The following KBTBD12 variants were observed in gnomAD, a reference collection of about 807,000 sequenced individuals.
The protein encoded by KBTBD12 is kelch repeat and BTB domain containing 12.
A neutral mutation model predicts 58.7 loss-of-function variants in KBTBD12; 53 were observed. The observed-to-expected ratio is 0.90, with a 90% CI of 0.72 to 1.14. The LOEUF is 1.14. KBTBD12 is among the 50% of genes most tolerant of loss of function. KBTBD12 has a pLI of 0.00. For synonymous variants in KBTBD12, 236 were observed against 259.8 expected, an observed-to-expected ratio of 0.91 and a Z score of 0.88; for missense variants, 704 against 751.3, an observed-to-expected ratio of 0.94 and a Z score of 0.74.
rs556899042 is a variant in KBTBD12 at position 127,979,377 on chromosome 3, A to G, written c.1691-4720A>G. 2.6e-5 allele frequency among the ~76,000 whole-genome samples: 4 copies of G among 152,234 alleles called. No homozygotes were observed. The South Asian group carries it at 8.3e-4, about 32-fold the overall frequency. On this transcript the variant is annotated intron_variant, in intron 5 of 5. Transcript: ENST00000405109. ...AAGAGTGAACACTTATATATAAAGC[A>G]GAAGCTATTGGAAATAGTAACATAA...
In KBTBD12 at chr3:127,966,949, A is replaced by G. The variant is rs186583443; in HGVS notation, c.1690+3563A>G. ...GCTAGAAGAAAACGAAGCAAATGCT[A>G]TCTAAATTTCTATGGGAAAATTACT... On this transcript the variant is annotated intron_variant, in intron 5 of 5. Transcript: ENST00000405109. Among the ~76,000 whole-genome samples, 460 of 152,362 alleles carry G rather than the reference A, an allele frequency of 3.0e-3. 3 individuals are homozygous for G. The highest frequency in any genetic ancestry group is 2.2e-3 in the Non-Finnish European group (151 of 68,036).
At position 127,984,321 on chromosome 3, in the gene KBTBD12, C is replaced by A; in HGVS notation, c.*43C>A. 5 of 1,561,266 alleles carry A rather than the reference C, an allele frequency of 3.2e-6. No individual in the cohort carries two copies. Among genetic ancestry groups the A allele is most frequent in the Non-Finnish European group, 4.4e-6 (5 of 1,140,156 alleles). Reference sequence around the variant, plus strand: ...ACCTCCTGCTGTTCTGCAAACAAGGCCTTCAGAACGGAGAGGGCCCACAGC... The same window carrying A: ...ACCTCCTGCTGTTCTGCAAACAAGGACTTCAGAACGGAGAGGGCCCACAGC... On this transcript the variant is annotated 3_prime_UTR_variant, in exon 6 of 6. Transcript: ENST00000405109.
At position 127,915,353 on chromosome 3, in the gene KBTBD12, T is replaced by A. The variant is rs1398442961; in HGVS notation, c.-346T>A. 2.0e-5 allele frequency: 3 copies of A among 152,356 alleles called. No homozygotes were observed. Among genetic ancestry groups the A allele is most frequent in the African/African-American group, 7.2e-5 (3 of 41,426 alleles). The allele number at this position is 152,356 out of a possible 1,614,324, so 9.4% of individuals were successfully genotyped here. On this transcript the variant is annotated 5_prime_UTR_variant, in exon 1 of 6. Transcript: ENST00000405109. ...CAGTGGCTGGAGGGCAGCGGCGGCGTGGTCTCGGGCCACTTCCAAGCAGAG... is the reference window on the plus strand; with the variant it reads ...CAGTGGCTGGAGGGCAGCGGCGGCGAGGTCTCGGGCCACTTCCAAGCAGAG...
chr3:127,946,283 G>A (rs1189585730), intron 4 of KBTBD12, among the ~76,000 whole-genome samples: 1 of 151,908 alleles, frequency 6.6e-6, no homozygotes, highest in African/African-American at 2.4e-5. Flanking sequence ...TTACCTTTAA[G>A]TTTTTTTCTT....
In KBTBD12 at chr3:127,923,005, C is replaced by A; in HGVS notation, c.-57C>A. ...GAGTAATCAGACATGCAAATAGCCC[C>A]TCAGGAATCAAGCTACACTTAAAGA... On this transcript the variant is annotated 5_prime_UTR_variant, in exon 2 of 6. Transcript: ENST00000405109. 1.0e-6 allele frequency: 1 copy of A among 998,640 alleles called. No homozygotes were observed. The highest frequency in any genetic ancestry group is 1.5e-6 in the Non-Finnish European group (1 of 652,920). 61.9% of individuals were successfully genotyped at this position (998,640 alleles called of 1,614,324 possible).
At chr3:127,955,282 GA>G (rs1438052407) in intron 4 of KBTBD12, among the ~76,000 whole-genome samples, 4 of 152,110 alleles carry the variant, frequency 2.6e-5, no homozygotes, top group African/African-American at 9.7e-5. Context: ...TTTTCTCCAG[GA>G]AACCATTTTG....
At chr3:127,947,766 G>C (rs907850684) in intron 4 of KBTBD12, among the ~76,000 whole-genome samples, 2 of 152,098 alleles carry the variant, frequency 1.3e-5, no homozygotes, top group Non-Finnish European at 2.9e-5. Context: ...AAACCCCCCT[G>C]GTCTCTCTTT....
chr3:127,961,817 G>C (rs1940445771), intron 4 of KBTBD12, among the ~76,000 whole-genome samples: 1 of 152,204 alleles, frequency 6.6e-6, no homozygotes, highest in Non-Finnish European at 1.5e-5. Context: ...AGGAAAGCAG[G>C]TGATGGTGAA....
intron 5 of KBTBD12, among the ~76,000 whole-genome samples, chr3:127,971,344 C>G (rs1356962787): frequency 6.6e-6 from 1 of 152,092 alleles, no homozygotes; most frequent in Non-Finnish European, 1.5e-5. Flanking sequence ...AACTGAATAC[C>G]GAAGAGCCAC....
At position 127,923,906 on chromosome 3, in the gene KBTBD12, A is replaced by G. The variant is rs1442906649; in HGVS notation, c.845A>G (p.Asn282Ser). ...ETTSLLLCIG[N>S]NSSGIRSRHR... ...ACCAGTCTTCTGCTTTGCATTGGCA[A>G]CAATTCTTCAGGAATCAGATCAAGA... The change falls in exon 2 of 6, where the codon AAC (asparagine) becomes AGC (serine). Residue 282 changes from asparagine to serine, a missense_variant. Asn to Ser is a conservative substitution (Grantham distance 46, BLOSUM62 1). Coordinates refer to ENST00000405109, the MANE Select transcript of KBTBD12 (RefSeq NM_207335.4). The G allele has an allele frequency of 4.3e-6, 7 of 1,613,952 alleles. No individual in the cohort carries two copies. The highest frequency in any genetic ancestry group is 2.2e-5 in the South Asian group (2 of 91,080).
chr3:127,930,962 C>A (rs1426987043), intron 4 of KBTBD12, among the ~76,000 whole-genome samples: 1 of 152,076 alleles, frequency 6.6e-6, no homozygotes, highest in African/African-American at 2.4e-5. Flanking sequence ...TACATTCCAT[C>A]TGCCTAACAT....
chr3:127,971,748 AGT>A (rs1940686157), intron 5 of KBTBD12, among the ~76,000 whole-genome samples: 4 of 152,200 alleles, frequency 2.6e-5, no homozygotes, highest in African/African-American at 9.7e-5. Context: ...TTCTTCCCAG[AGT>A]CCAGGCTAAG....
In KBTBD12 at chr3:127,984,150, C is replaced by T. The variant is rs768855269; in HGVS notation, c.1744C>T (p.Gln582Ter). ...ATTGGAACTGGACCCATGGGAAAAC[C>T]AGTGGAATGTTGTAGCCATCAACGT... The part of the protein sequence containing the change: ...EILELDPWEN[Q>*]WNVVAINVLM... Residue 582 changes from glutamine (Q) to a stop codon, truncating the protein, a stop_gained, in exon 6 of 6, where the codon CAG becomes TAG. Coordinates refer to ENST00000405109, the MANE Select transcript of KBTBD12 (RefSeq NM_207335.4). LOFTEE classifies it high-confidence loss of function. 27 of 1,613,810 alleles carry T rather than the reference C, an allele frequency of 1.7e-5. No individual in the cohort carries two copies. The Admixed American group carries it at 3.0e-4, about 18-fold the overall frequency.
intron 4 of KBTBD12, among the ~76,000 whole-genome samples, chr3:127,944,288 T>A (rs1940023362): frequency 6.6e-6 from 1 of 152,224 alleles, no homozygotes; most frequent in South Asian, 2.1e-4. Flanking sequence ...ATGCACATTT[T>A]AACAATATTA....
In KBTBD12 at chr3:127,960,345, C is replaced by T. The variant is rs1940411343; in HGVS notation, c.1493-2844C>T. Among the ~76,000 whole-genome samples, 5 of 152,166 alleles carry T rather than the reference C, an allele frequency of 3.3e-5. No individual in the cohort carries two copies. In the South Asian group the frequency reaches 8.3e-4, roughly 25 times the overall value. On this transcript the variant is annotated intron_variant, in intron 4 of 5. Transcript: ENST00000405109. ...ATAATTTCCCCCTTTCCACTACGCA[C>T]ACACCAAAAAATATAAATAAATAAA...
intron 1 of KBTBD12, among the ~76,000 whole-genome samples, chr3:127,916,161 G>C (rs866744237): frequency 1.3e-5 from 2 of 149,502 alleles, no homozygotes; most frequent in African/African-American, 5.0e-5. Context: ...GTGTGAACTC[G>C]GCAAAGAAAA....
At chr3:127,929,860 A>T (rs1939661340) in intron 3 of KBTBD12, among the ~76,000 whole-genome samples, 1 of 152,140 alleles carries the variant, frequency 6.6e-6, no homozygotes, top group Admixed American at 6.5e-5. Flanking sequence ...TTCTTTAAAA[A>T]AAAAAAAGCT....
At chr3:127,936,260 G>A (rs1478905729) in intron 4 of KBTBD12, among the ~76,000 whole-genome samples, 1 of 152,108 alleles carries the variant, frequency 6.6e-6, no homozygotes, top group Non-Finnish European at 1.5e-5. Flanking sequence ...CAGCCACTTG[G>A]GAGGCTGTGG....
Position 127,925,552 on chromosome 3 carries a change from A to T in KBTBD12, c.1070+1421A>T, listed in dbSNP as rs902942363. 7.2e-5 allele frequency among the ~76,000 whole-genome samples: 11 copies of T among 152,120 alleles called. No individual in the cohort carries two copies. The East Asian group carries it at 2.1e-3, about 29-fold the overall frequency. ...AAAGTGTCTTTCAGTTTTGGTCCTC[A>T]GACGTCTTTCCTTTTAACTTATTGA... On this transcript the variant is annotated intron_variant, in intron 2 of 5. Coordinates refer to ENST00000405109, the MANE Select transcript of KBTBD12 (RefSeq NM_207335.4).
Sources: gnomAD v4.1 joint callset for allele counts (sites outside exome capture counted in the v4.1 genomes callset) on GRCh38, gnomAD v4.1.1 for gene constraint, MANE v1.5 for transcripts, NCBI Gene and HGNC (gene_info 2026-07-23, HGNC 2026-07-21) for gene names.